The following NRG3 variants were observed in gnomAD, a reference collection of about 807,000 sequenced individuals.
NRG3 encodes the protein pro-neuregulin-3, membrane-bound isoform.
In NRG3, 31 loss-of-function variants were observed where a neutral mutation model predicts 66.9. That is an observed-to-expected ratio of 0.46 (90% CI 0.35 to 0.63). The LOEUF (loss-of-function observed/expected upper bound fraction) is 0.63, where lower values mean the gene tolerates loss of function less well. Ranked by LOEUF, NRG3 falls within the 20% of genes least tolerant of loss-of-function variation. The pLI is 0.00. For missense variants in NRG3, 910 were observed against 878.9 expected (o/e 1.04, Z -0.45); for synonymous variants, 393 against 359.4 (o/e 1.09, Z -1.06).
intron 1 of NRG3, among the ~76,000 whole-genome samples, chr10:81,960,753 A>C (rs1850281178): frequency 6.6e-6 from 1 of 151,828 alleles, no homozygotes; most frequent in South Asian, 2.1e-4. Context: ...TGAACAAAAC[A>C]GGACAGAGGA....
intron 2 of NRG3, among the ~76,000 whole-genome samples, chr10:82,372,369 G>A (rs1419541311): frequency 2.0e-5 from 3 of 152,150 alleles, no homozygotes; most frequent in Non-Finnish European, 4.4e-5. Flanking sequence ...ATCAGAAGAT[G>A]ATGACATTTT....
rs114346803 is a variant in NRG3, at chr10:82,668,293, C to T, written c.954-70284C>T. 5.5e-3 allele frequency among the ~76,000 whole-genome samples: 844 copies of T among 152,200 alleles called. 10 individuals are homozygous for T. Among genetic ancestry groups the T allele is most frequent in the African/African-American group, 0.019 (786 of 41,524 alleles). On this transcript the variant is annotated intron_variant, in intron 2 of 8. Coordinates refer to ENST00000372141, the MANE Select transcript of NRG3 (RefSeq NM_001010848.4). ...TGGCTTTCTCAGTACTACAGAGAGCCAATAATAACCACTCTTAAATGATCC... is the reference window on the plus strand; with the variant it reads ...TGGCTTTCTCAGTACTACAGAGAGCTAATAATAACCACTCTTAAATGATCC...
At chr10:82,206,557 C>T (rs1245582830) in intron 1 of NRG3, among the ~76,000 whole-genome samples, 2 of 152,062 alleles carry the variant, frequency 1.3e-5, no homozygotes, top group Non-Finnish European at 2.9e-5. Context: ...CTTCTAATCT[C>T]CCCCCAATGC....
chr10:82,789,670 T>C (rs912075970), intron 3 of NRG3, among the ~76,000 whole-genome samples: 5 of 152,120 alleles, frequency 3.3e-5, no homozygotes, highest in African/African-American at 7.2e-5. Flanking sequence ...GTTTGACACA[T>C]TTACATTTAA....
chr10:82,666,748 T>G (rs1000488632), intron 2 of NRG3, among the ~76,000 whole-genome samples: 2 of 152,244 alleles, frequency 1.3e-5, no homozygotes, highest in Non-Finnish European at 2.9e-5. Flanking sequence ...TATCCTCCAC[T>G]GTTAAATCCA....
chr10:82,175,764 C>G (rs2072985520), intron 1 of NRG3, among the ~76,000 whole-genome samples: 1 of 152,164 alleles, frequency 6.6e-6, no homozygotes, highest in Non-Finnish European at 1.5e-5. Flanking sequence ...GTCAGGTAAT[C>G]TGTGCATAGA....
intron 1 of NRG3, among the ~76,000 whole-genome samples, chr10:82,155,109 G>C (rs1628882): frequency 0.88 from 134,146 of 151,706 alleles, 59,509 homozygotes; most frequent in African/African-American, 0.95. Context: ...AGGTTAGACA[G>C]CATGGAGGAC....
chr10:82,731,366 C>CA (rs557587083), intron 2 of NRG3, among the ~76,000 whole-genome samples: 12,614 of 85,214 alleles, frequency 0.15, 1,242 homozygotes, highest in African/African-American at 0.32. Flanking sequence ...TACTCTGTCT[C>CA]AAAAAAAAAA....
At chr10:82,146,876 G>T (rs1182040533) in intron 1 of NRG3, among the ~76,000 whole-genome samples, 1 of 152,192 alleles carries the variant, frequency 6.6e-6, no homozygotes, top group Non-Finnish European at 1.5e-5. Flanking sequence ...CTTCCCTGAT[G>T]GAGTGTGAGG....
intron 1 of NRG3, among the ~76,000 whole-genome samples, chr10:82,264,428 T>A (rs1373925467): frequency 6.6e-6 from 1 of 152,086 alleles, no homozygotes; most frequent in Non-Finnish European, 1.5e-5. Flanking sequence ...CCCGCCCGAT[T>A]CAATTATCTC....
chr10:82,873,525 GA>G (rs1841530641), intron 4 of NRG3, among the ~76,000 whole-genome samples: 1 of 152,182 alleles, frequency 6.6e-6, no homozygotes, highest in Non-Finnish European at 1.5e-5. Flanking sequence ...GGGCATGTCA[GA>G]CTGGCCATTT....
intron 6 of NRG3, among the ~76,000 whole-genome samples, chr10:82,964,760 C>T (rs1019406461): frequency 6.6e-6 from 1 of 152,190 alleles, no homozygotes; most frequent in African/African-American, 2.4e-5. Context: ...TATCCTCCTC[C>T]TGCTTTTATT....
At chr10:82,333,148 TTTTA>T in intron 1 of NRG3, among the ~76,000 whole-genome samples, 1 of 152,314 alleles carries the variant, frequency 6.6e-6, no homozygotes, top group African/African-American at 2.4e-5. Flanking sequence ...ACCCCTGTCT[TTTTA>T]TTCTATATTC....
chr10:82,708,793 T>C (rs2056478168), intron 2 of NRG3, among the ~76,000 whole-genome samples: 1 of 152,226 alleles, frequency 6.6e-6, no homozygotes, highest in South Asian at 2.1e-4. Flanking sequence ...TAGAGTTTTA[T>C]TGACTTTTAT....
chr10:82,678,106 A>G (rs1386381578), intron 2 of NRG3, among the ~76,000 whole-genome samples: 13 of 152,194 alleles, frequency 8.5e-5, no homozygotes, highest in Admixed American at 4.6e-4. Flanking sequence ...GCCCACACAC[A>G]TAACTCCTGA....
intron 2 of NRG3, among the ~76,000 whole-genome samples, chr10:82,453,756 C>T (rs1025484401): frequency 7.3e-5 from 11 of 150,052 alleles, no homozygotes; most frequent in African/African-American, 2.7e-4. Flanking sequence ...AGTTATTTAA[C>T]GGTCTTGTCT....
At chr10:82,141,760 A>G (rs1414170847) in intron 1 of NRG3, among the ~76,000 whole-genome samples, 4 of 152,192 alleles carry the variant, frequency 2.6e-5, no homozygotes, top group South Asian at 4.1e-4. Flanking sequence ...ATAAAGTAGA[A>G]TTAGGTAAGT....
intron 2 of NRG3, among the ~76,000 whole-genome samples, chr10:82,594,549 A>G (rs2047161757): frequency 6.6e-6 from 1 of 152,314 alleles, no homozygotes; most frequent in East Asian, 1.9e-4. Context: ...TTTTAAAAAA[A>G]TTTCTCATCC....
At chr10:82,807,708 A>G (rs2061345508) in intron 3 of NRG3, among the ~76,000 whole-genome samples, 1 of 152,186 alleles carries the variant, frequency 6.6e-6, no homozygotes, top group Non-Finnish European at 1.5e-5. Context: ...GATGAATCCT[A>G]TGCACATTCA....
Sources: gnomAD v4.1 joint callset for allele counts (sites outside exome capture counted in the v4.1 genomes callset) on GRCh38, gnomAD v4.1.1 for gene constraint, MANE v1.5 for transcripts, NCBI Gene and HGNC (gene_info 2026-07-23, HGNC 2026-07-21) for gene names.